Variants in DCAF8L2 observed in about 807,000 individuals in gnomAD.
DCAF8L2 encodes the protein DDB1- and CUL4-associated factor 8-like protein 2.
For synonymous variants in DCAF8L2, 200 were observed against 190.9 expected (o/e 1.05, Z -0.39); for missense variants, 430 against 490.7 (o/e 0.88, Z 1.17).
intron 1 of DCAF8L2, among the ~76,000 whole-genome samples, chrX:27,598,626 C>T (rs960952866): frequency 1.8e-5 from 2 of 111,998 alleles, no homozygotes; most frequent in Non-Finnish European, 3.8e-5. Context: ...AGTACGCTTC[C>T]TGCATGCAGC....
At chrX:27,577,064 G>A in the DCAF8L2 span, among the ~76,000 whole-genome samples, 4 of 111,775 alleles carry the variant, frequency 3.6e-5, no homozygotes, top group East Asian at 1.1e-3. Context: ...TAGGGATGTT[G>A]GTCCATGCTA....
At chrX:27,561,594 A>C in the DCAF8L2 span, among the ~76,000 whole-genome samples, 1 of 110,424 alleles carries the variant, frequency 9.1e-6, no homozygotes, top group Admixed American at 9.8e-5. Context: ...AGTCACCCCT[A>C]CTCTGTACCC....
chrX:27,543,717 G>A, the DCAF8L2 span, among the ~76,000 whole-genome samples: 1 of 111,259 alleles, frequency 9.0e-6, no homozygotes, highest in African/African-American at 3.3e-5. Context: ...CTGGCTTTGG[G>A]GAAAAGGAGC....
chrX:27,627,954 C>T (rs1480490650), intron 1 of DCAF8L2, among the ~76,000 whole-genome samples: 2 of 106,066 alleles, frequency 1.9e-5, no homozygotes, highest in Non-Finnish European at 3.9e-5. Flanking sequence ...GAATACATAA[C>T]ATCATGAGAT....
intron 1 of DCAF8L2, among the ~76,000 whole-genome samples, chrX:27,628,192 C>T (rs1928124274): frequency 9.0e-6 from 1 of 111,432 alleles, no homozygotes; most frequent in Non-Finnish European, 1.9e-5. Context: ...CAGTATTTGT[C>T]CTATGGCTGG....
the DCAF8L2 span, among the ~76,000 whole-genome samples, chrX:27,566,618 C>A: frequency 9.0e-6 from 1 of 110,586 alleles, no homozygotes; most frequent in Admixed American, 9.6e-5. Context: ...ATTATTTGAA[C>A]CTTATCTCTT....
At position 27,644,186 on chromosome X, in the gene DCAF8L2, G is replaced by A. The variant is rs1486495279; in HGVS notation, c.-220+12186G>A. Among the ~76,000 whole-genome samples the A allele has an allele frequency of 2.7e-5, 3 of 112,149 alleles. No individual in the cohort carries two copies. In the Admixed American group the frequency reaches 2.8e-4, roughly 11 times the overall value. On this transcript the variant is annotated intron_variant, in intron 2 of 4. Coordinates refer to ENST00000451261, the MANE Select transcript of DCAF8L2 (RefSeq NM_001353450.2). The stretch of plus-strand genomic sequence containing the variant: ...TGACAGTTACTTGAAAATATTGTAT[G>A]TTCATGTATATGTGTGTATAGTGTA...
intron 3 of DCAF8L2, among the ~76,000 whole-genome samples, chrX:27,696,419 T>C (rs980277220): frequency 1.8e-5 from 2 of 111,217 alleles, no homozygotes; most frequent in Non-Finnish European, 3.8e-5. Context: ...CTAACTGTGG[T>C]TTCTTGAACA....
Position 27,741,104 on chromosome X carries a change from A to G in DCAF8L2, c.-58-5734A>G, listed in dbSNP as rs751804304. Among the ~76,000 whole-genome samples, 13 of 112,054 alleles carry G rather than the reference A, an allele frequency of 1.2e-4. No individual in the cohort carries two copies. In the Admixed American group the frequency reaches 1.2e-3, roughly 11 times the overall value. On this transcript the variant is annotated intron_variant, in intron 4 of 4. Transcript: ENST00000451261. ...AACTTAAACAAAAACTTAAATGAAAAGCCAATTTATAGTCCAAATTTGCCT... is the reference window on the plus strand; with the variant it reads ...AACTTAAACAAAAACTTAAATGAAAGGCCAATTTATAGTCCAAATTTGCCT...
At chrX:27,507,715 G>A in the DCAF8L2 span, among the ~76,000 whole-genome samples, 1 of 111,125 alleles carries the variant, frequency 9.0e-6, no homozygotes, top group Non-Finnish European at 1.9e-5. Context: ...AATTAATTAT[G>A]ATTATATTGA....
chrX:27,597,383 G>T (rs1292806040), intron 1 of DCAF8L2, among the ~76,000 whole-genome samples: 1 of 111,195 alleles, frequency 9.0e-6, no homozygotes, highest in Non-Finnish European at 1.9e-5. Context: ...CGGTTTCACT[G>T]TTTCACTCAG....
the DCAF8L2 span, among the ~76,000 whole-genome samples, chrX:27,545,872 A>T: frequency 2.7e-5 from 3 of 111,452 alleles, no homozygotes; most frequent in African/African-American, 9.8e-5. Flanking sequence ...AAACCATCAG[A>T]TTTGGGTGGG....
intron 2 of DCAF8L2, among the ~76,000 whole-genome samples, chrX:27,647,155 A>G (rs1450237423): frequency 2.7e-5 from 3 of 112,127 alleles, no homozygotes; most frequent in Non-Finnish European, 5.6e-5. Context: ...ACATGGAATC[A>G]ACCTAAATGC....
the DCAF8L2 span, among the ~76,000 whole-genome samples, chrX:27,574,751 T>C: frequency 9.0e-6 from 1 of 111,230 alleles, no homozygotes; most frequent in Admixed American, 9.5e-5. Flanking sequence ...AGGTGTGCGA[T>C]GGGGGTCTGG....
intron 2 of DCAF8L2, among the ~76,000 whole-genome samples, chrX:27,666,977 T>A: frequency 9.0e-6 from 1 of 111,655 alleles, no homozygotes; most frequent in East Asian, 2.8e-4. Context: ...CAGATTCTGA[T>A]TTAGTATATC....
the DCAF8L2 span, among the ~76,000 whole-genome samples, chrX:27,473,102 A>G: frequency 8.9e-6 from 1 of 112,392 alleles, no homozygotes; most frequent in Non-Finnish European, 1.9e-5. Flanking sequence ...TCTTTGTGAT[A>G]ATCACATTAT....
At chrX:27,567,408 A>G in the DCAF8L2 span, among the ~76,000 whole-genome samples, 3,012 of 105,501 alleles carry the variant, frequency 0.029, 53 homozygotes, top group Non-Finnish European at 0.036. Flanking sequence ...GGGTGCTCTG[A>G]TGTTGGGTAG....
rs1302169806 is a variant in DCAF8L2 at position 27,635,874 on chromosome X, C to T, written c.-220+3874C>T. ...TTACCCAGGCTGGAGTGCACTGGCG[C>T]CATCTTGGCTCGCTGCAACCTCCGC... On this transcript the variant is annotated intron_variant, in intron 2 of 4. Transcript: ENST00000451261. Among the ~76,000 whole-genome samples the T allele has an allele frequency of 2.8e-5, 3 of 107,136 alleles. No individual in the cohort carries two copies. In the East Asian group the frequency reaches 8.7e-4, roughly 31 times the overall value. The allele number at this position is 107,136 out of a possible 115,157, so 93.0% of individuals were successfully genotyped here.
chrX:27,693,064 G>A (rs1930769318), intron 3 of DCAF8L2, among the ~76,000 whole-genome samples: 1 of 111,814 alleles, frequency 8.9e-6, no homozygotes. Flanking sequence ...ATTCGCGTGT[G>A]AATTATATTA....
Sources: allele counts gnomAD v4.1 joint callset (sites outside exome capture counted in the v4.1 genomes callset), GRCh38; gene constraint gnomAD v4.1.1; transcripts MANE v1.5; gene names NCBI Gene and HGNC (gene_info 2026-07-23, HGNC 2026-07-21).